SDSL: variants seen among roughly 807,000 people sequenced by gnomAD.
The protein encoded by SDSL is serine dehydratase like, also known as serine dehydratase-like.
A neutral mutation model predicts 27.6 loss-of-function variants in SDSL; 26 were observed. That is an observed-to-expected ratio of 0.94 (90% CI 0.69 to 1.31). The LOEUF (loss-of-function observed/expected upper bound fraction) is 1.31, where lower values mean the gene tolerates loss of function less well. SDSL is among the 50% of genes most tolerant of loss of function. SDSL has a pLI of 0.00. For missense variants in SDSL, 431 were observed against 423.5 expected (o/e 1.02, Z -0.16); for synonymous variants, 196 against 180.6 (o/e 1.09, Z -0.69).
At position 113,434,199 on chromosome 12, in the gene SDSL, C is replaced by T. The variant is rs267603318; in HGVS notation, c.420C>T (p.Pro140=). The stretch of plus-strand genomic sequence containing the variant: ...AGAGGGACGGCTGGGAGAATGTCCC[C>T]CCGTTTGACCACCCCCTAATATGGT... ...LAKRDGWENV[P]PFDHPLIWKG... Residue 140 remains proline (P), a synonymous_variant, in exon 5 of 8, where the codon CCC becomes CCT. Coordinates refer to ENST00000403593, the MANE Select transcript of SDSL (RefSeq NM_001304993.2). 1.2e-6 allele frequency: 2 copies of T among 1,613,416 alleles called. No homozygotes were observed. The highest frequency in any genetic ancestry group is 1.7e-6 in the Non-Finnish European group (2 of 1,179,604).
At chr12:113,423,678 G>T (rs952990940) in intron 1 of SDSL, among the ~76,000 whole-genome samples, 2 of 152,112 alleles carry the variant, frequency 1.3e-5, no homozygotes, top group African/African-American at 4.8e-5. Context: ...GGACTTCAAG[G>T]TTACAGTGAG....
chr12:113,425,538 G>A (rs559629626), intron 1 of SDSL: 3 of 389,520 alleles, frequency 7.7e-6, no homozygotes, highest in African/African-American at 4.2e-5. Flanking sequence ...GCCAATAATG[G>A]AATGGTGGGG....
chr12:113,426,672 T>C (rs942411324), intron 1 of SDSL, among the ~76,000 whole-genome samples: 11 of 152,170 alleles, frequency 7.2e-5, no homozygotes, highest in Non-Finnish European at 1.6e-4. Flanking sequence ...ATGCAGTGAC[T>C]CGCGCCTGTA....
intron 1 of SDSL, chr12:113,425,665 CACTG>C (rs1231645761): frequency 2.2e-6 from 1 of 455,864 alleles, no homozygotes; most frequent in East Asian, 7.0e-5. Flanking sequence ...CGTCCTTACC[CACTG>C]GTCCATTCAC....
In SDSL at chr12:113,428,018, GC is replaced by G. The variant is rs1187663040; in HGVS notation, c.39del (p.His15ThrfsTer101). On this transcript the variant is annotated frameshift_variant, in exon 2 of 8. Transcript: ENST00000403593. LOFTEE classifies it high-confidence loss of function. ...CTGTGGCAGAGCATGCCAAGCAGGAGCCCTTTCACGTGGTCACACCTCTGTT... is the reference window on the plus strand; with the variant it reads ...CTGTGGCAGAGCATGCCAAGCAGGAGCCTTTCACGTGGTCACACCTCTGTT... ...GPVAEHAKQE[P>X]FHVVTPLLES... is the part of the protein sequence containing the mutation. The G allele has an allele frequency of 2.5e-6, 4 of 1,613,552 alleles. No homozygotes were observed. The Admixed American group carries it at 5.0e-5, about 20-fold the overall frequency.
chr12:113,426,929 A>C (rs1316480528), intron 1 of SDSL, among the ~76,000 whole-genome samples: 1 of 152,052 alleles, frequency 6.6e-6, no homozygotes, highest in Non-Finnish European at 1.5e-5. Flanking sequence ...ACAGAGTGAG[A>C]CTCTGTCTCA....
chr12:113,423,420 T>C (rs2136946575), intron 1 of SDSL, among the ~76,000 whole-genome samples: 1 of 152,224 alleles, frequency 6.6e-6, no homozygotes, highest in South Asian at 2.1e-4. Context: ...GTTCACTGTT[T>C]ATAAAATGGA....
rs777702917 is a variant in SDSL, at chr12:113,436,838, G to A, written c.759G>A (p.Glu253=). Residue 253 remains glutamate, a synonymous_variant, in exon 7 of 8, where the codon GAG becomes GAA. Coordinates refer to ENST00000403593, the MANE Select transcript of SDSL (RefSeq NM_001304993.2). ...GCAAGATTCACTCTGAAGTGGTGGA[G>A]GACACCGAGGCTGTGAGCGCTGTGC... ...QVCKIHSEVV[E]DTEAVSAVQQ... The A allele has an allele frequency of 1.4e-5, 23 of 1,611,668 alleles. No homozygotes were observed. Among genetic ancestry groups the A allele is most frequent in the East Asian group, 6.7e-5 (3 of 44,812 alleles).
intron 1 of SDSL, among the ~76,000 whole-genome samples, chr12:113,427,426 A>C (rs922426228): frequency 2.6e-5 from 4 of 152,232 alleles, no homozygotes; most frequent in African/African-American, 9.6e-5. Context: ...GAAGGTCTTT[A>C]TACAGTTCTC....
intron 5 of SDSL, among the ~76,000 whole-genome samples, chr12:113,434,925 G>A (rs1488442298): frequency 2.0e-5 from 3 of 152,198 alleles, no homozygotes; most frequent in Non-Finnish European, 2.9e-5. Context: ...GGCCAACCTG[G>A]CCAACATGGC....
At position 113,438,205 on chromosome 12, in the gene SDSL, T is replaced by G. The variant is rs1958026091; in HGVS notation, c.*126T>G. On this transcript the variant is annotated 3_prime_UTR_variant, in exon 8 of 8. Coordinates refer to ENST00000403593, the MANE Select transcript of SDSL (RefSeq NM_001304993.2). ...CTGTGCAACTGTGCTGGCTGCCTCC[T>G]GAAGGAAGCCCTCCTGGACTGCTTC... The G allele has an allele frequency of 5.1e-6, 4 of 786,332 alleles. No homozygotes were observed. The highest frequency in any genetic ancestry group is 6.0e-6 in the Non-Finnish European group (3 of 497,474). The allele number at this position is 786,332 out of a possible 1,614,324, so 48.7% of individuals were successfully genotyped here.
At chr12:113,432,752 T>C (rs575401391) in intron 4 of SDSL, among the ~76,000 whole-genome samples, 1 of 152,326 alleles carries the variant, frequency 6.6e-6, no homozygotes, top group South Asian at 2.1e-4. Context: ...TAACTCCCAG[T>C]TGTAAGTGAG....
chr12:113,430,553 G>A (rs867221302), intron 4 of SDSL, among the ~76,000 whole-genome samples: 18 of 152,314 alleles, frequency 1.2e-4, no homozygotes, highest in Middle Eastern at 3.4e-3. Context: ...GCCACTGGGG[G>A]CACGTTCTTC....
At chr12:113,436,935 G>A (rs781572064) in intron 7 of SDSL, 60 bp downstream of exon 7, 13 of 1,462,194 alleles carry the variant, frequency 8.9e-6, no homozygotes, top group Non-Finnish European at 1.2e-5. Context: ...GCATCCTCTA[G>A]CAAGAGTGTG....
At chr12:113,437,838 T>G (rs976140825) in intron 7 of SDSL, 48 bp from the exon 8 acceptor site, 1 of 1,516,384 alleles carries the variant, frequency 6.6e-7, no homozygotes, top group Non-Finnish European at 8.9e-7. Flanking sequence ...GAGCACCGAG[T>G]GGTTCTTCTT....
In SDSL at chr12:113,435,491, T is replaced by C; in HGVS notation, c.606T>C (p.His202=). 1.2e-6 allele frequency: 2 copies of C among 1,614,004 alleles called. No individual in the cohort carries two copies. Among genetic ancestry groups the C allele is most frequent in the South Asian group, 2.2e-5 (2 of 91,066 alleles). Residue 202 remains histidine, a synonymous_variant, in exon 6 of 8, where the codon CAT becomes CAC. Coordinates refer to ENST00000403593, the MANE Select transcript of SDSL (RefSeq NM_001304993.2). ...QHVPIIAMET[H]GAHCFNAAIT... ...TACCCATCATTGCCATGGAGACCCA[T>C]GGGGCACACTGCTTCAATGCGGCCA...
intron 4 of SDSL, among the ~76,000 whole-genome samples, chr12:113,433,599 C>T (rs1436646974): frequency 6.6e-6 from 1 of 152,218 alleles, no homozygotes; most frequent in Non-Finnish European, 1.5e-5. Flanking sequence ...ATCTCTGCCA[C>T]AGAGGCCAAG....
chr12:113,422,569 G>C (rs532127838), intron 1 of SDSL, 92 bp downstream of exon 1: 22 of 152,744 alleles, frequency 1.4e-4, no homozygotes, highest in Middle Eastern at 6.6e-3. Context: ...GGGAGGCTTT[G>C]GGCAAAGTCC....
At chr12:113,432,216 CTTTCTTTCTT>C in intron 4 of SDSL, among the ~76,000 whole-genome samples, 1 of 1,694 alleles carries the variant, frequency 5.9e-4, no homozygotes, top group Admixed American at 5.1e-3. Flanking sequence ...TTGCTTCTTT[CTTTCTTTCTT>C]TCTTTCTTTC....
Sources: gnomAD v4.1 joint callset for allele counts (sites outside exome capture counted in the v4.1 genomes callset) on GRCh38, gnomAD v4.1.1 for gene constraint, MANE v1.5 for transcripts, NCBI Gene and HGNC (gene_info 2026-07-23, HGNC 2026-07-21) for gene names.